The following SIGLEC9 variants were observed in gnomAD, a reference collection of about 807,000 sequenced individuals.
The protein encoded by SIGLEC9 is sialic acid-binding Ig-like lectin 9.
In SIGLEC9, 26 loss-of-function variants were observed where a neutral mutation model predicts 38.3. That is an observed-to-expected ratio of 0.68 (90% CI 0.50 to 0.94). The LOEUF is 0.94. Ranked by LOEUF, SIGLEC9 falls within the 40% of genes least tolerant of loss-of-function variation. The pLI is 0.00. For synonymous variants in SIGLEC9, 236 were observed against 248.0 expected (o/e 0.95, Z 0.45); for missense variants, 556 against 585.7 (o/e 0.95, Z 0.52).
upstream of SIGLEC9, among the ~76,000 whole-genome samples, chr19:51,123,329 G>A (rs527724894): frequency 2.2e-4 from 34 of 152,356 alleles, no homozygotes; most frequent in African/African-American, 7.9e-4. Flanking sequence ...TCTGAGGCCC[G>A]TGTTGGCTCT....
chr19:51,127,395 T>C (rs908968921), intron 4 of SIGLEC9, 99 bp downstream of exon 4: 1 of 1,322,526 alleles, frequency 7.6e-7, no homozygotes, highest in African/African-American at 1.5e-5. Flanking sequence ...GGAGCTCCGC[T>C]CTGGTCTGTG....
In SIGLEC9 at chr19:51,125,854, A is replaced by T; in HGVS notation, c.679A>T (p.Thr227Ser). 1 of 1,613,862 alleles carries T rather than the reference A, an allele frequency of 6.2e-7. No homozygotes were observed. Among genetic ancestry groups the T allele is most frequent in the South Asian group, 1.1e-5 (1 of 91,066 alleles). ...TGGGGCCAGCGTGACCACGAACAAG[A>T]CCGTCCATCTCAACGTGTCCTGTGA... ...FPGASVTTNK[T>S]VHLNVSYPPQ... The change falls in exon 2 of 7, where the codon ACC becomes TCC. Residue 227 changes from threonine (T) to serine (S), a missense_variant. Thr to Ser is a moderately conservative substitution (Grantham distance 58). Coordinates refer to ENST00000250360, the MANE Select transcript of SIGLEC9 (RefSeq NM_014441.3).
Position 51,125,773 on chromosome 19 carries a change from C to G in SIGLEC9, c.598C>G (p.Leu200Val). The G allele has an allele frequency of 6.2e-7, 1 of 1,614,132 alleles. No individual in the cohort carries two copies. The highest frequency in any genetic ancestry group is 1.1e-5 in the South Asian group (1 of 91,086). Residue 200 changes from leucine to valine, a missense_variant, in exon 2 of 7, where the codon CTC (leucine) becomes GTC (valine). Leu to Val is a conservative substitution (Grantham distance 32, BLOSUM62 1). Transcript: ENST00000250360. ...CACCACCCGCTCCTCGGTGCTCACC[C>G]TCATCCCACAGCCCCAGGACCATGG... ...PSTTRSSVLTLIPQPQDHGTS... is the reference protein window; with the variant it reads ...PSTTRSSVLTVIPQPQDHGTS...
rs777875717 is a variant in SIGLEC9, at chr19:51,130,061, G to T, written c.1374G>T (p.Glu458Asp). The change falls in exon 7 of 7, where the codon GAG becomes GAT. Residue 458 changes from glutamate (E) to aspartate (D), a missense_variant. Transcript: ENST00000250360. ...AGGCCACTGACACCGAGTACTCGGA[G>T]ATCAAGATCCACAGATGAGAAACTG... ...GQEATDTEYS[E>D]IKIHR 8 of 1,612,080 alleles carry T rather than the reference G, an allele frequency of 5.0e-6. No individual in the cohort carries two copies. In the South Asian group the frequency reaches 7.7e-5, roughly 16 times the overall value.
rs76493296 is a variant in SIGLEC9, at chr19:51,125,059, G to A, written c.85G>A (p.Val29Met). The change falls in exon 1 of 7, where the codon GTG (valine) becomes ATG (methionine). Residue 29 changes from valine to methionine, a missense_variant. Physicochemically the swap from Val to Met is conservative, Grantham distance 21 (BLOSUM62 1). Transcript: ENST00000250360. ...TSKLLTMQSS[V>M]TVQEGLCVHV... is the part of the protein sequence containing the mutation. ...TAAACTGCTGACGATGCAGAGTTCCGTGACGGTGCAGGAAGGCCTGTGTGT... is the reference window on the plus strand; with the variant it reads ...TAAACTGCTGACGATGCAGAGTTCCATGACGGTGCAGGAAGGCCTGTGTGT... 4.3e-6 allele frequency: 7 copies of A among 1,613,942 alleles called. No individual in the cohort carries two copies. Among genetic ancestry groups the A allele is most frequent in the East Asian group, 4.5e-5 (2 of 44,886 alleles).
chr19:51,125,979 A>ACACT, intron 2 of SIGLEC9, 102 bp from the exon 3 acceptor site: 1 of 1,581,968 alleles, frequency 6.3e-7, no homozygotes, highest in Non-Finnish European at 8.7e-7. Context: ...GGTCAGGAGG[A>ACACT]CACTGGCTCT....
At position 51,127,056 on chromosome 19, in the gene SIGLEC9, T is replaced by A. The variant is rs2091983025; in HGVS notation, c.775T>A (p.Ser259Thr). The A allele has an allele frequency of 1.2e-6, 2 of 1,614,120 alleles. No individual in the cohort carries two copies. The highest frequency in any genetic ancestry group is 1.7e-6 in the Non-Finnish European group (2 of 1,179,958). ...TVSTVLGNGSSLSLPEGQSLR... is the reference protein window; with the variant it reads ...TVSTVLGNGSTLSLPEGQSLR... ...ATCCACAGTCTTGGGAAATGGCTCA[T>A]CTCTGTCACTCCCAGAGGGCCAGTC... Residue 259 changes from serine to threonine, a missense_variant, in exon 4 of 7, where the codon TCT becomes ACT. Coordinates refer to ENST00000250360, the MANE Select transcript of SIGLEC9 (RefSeq NM_014441.3).
rs1304914465 is a variant in SIGLEC9, at chr19:51,130,117, C to T, written c.*38C>T. The T allele has an allele frequency of 5.1e-6, 8 of 1,559,770 alleles. No individual in the cohort carries two copies. In the East Asian group the frequency reaches 1.4e-4, roughly 27 times the overall value. On this transcript the variant is annotated 3_prime_UTR_variant, in exon 7 of 7. Transcript: ENST00000250360. ...ACTCACCCTGATTGAGGGATCACAG[C>T]CCCTCCAGGCAAGGGAGAAGTCAGA...
At position 51,129,941 on chromosome 19, in the gene SIGLEC9, C is replaced by T. The variant is rs781416556; in HGVS notation, c.1254C>T (p.Pro418=). The T allele has an allele frequency of 5.3e-5, 86 of 1,612,846 alleles. 1 individual carries two copies. In the South Asian group the frequency reaches 8.8e-4, roughly 16 times the overall value. The part of the protein sequence containing the change: ...WAEDSPPDQP[P]PASARSSVGE... ...AAGACAGTCCCCCAGACCAGCCTCC[C>T]CCAGCTTCTGCCCGCTCCTCAGTGG... The change falls in exon 7 of 7, where the codon CCC becomes CCT. Residue 418 remains proline, a synonymous_variant. Coordinates refer to ENST00000250360, the MANE Select transcript of SIGLEC9 (RefSeq NM_014441.3).
chr19:51,124,329 G>C (rs2091961540), upstream of SIGLEC9, among the ~76,000 whole-genome samples: 1 of 152,128 alleles, frequency 6.6e-6, no homozygotes, highest in Non-Finnish European at 1.5e-5. Flanking sequence ...TTGAACCCCT[G>C]ACCTACGGGA....
At position 51,127,981 on chromosome 19, in the gene SIGLEC9, G is replaced by T; in HGVS notation, c.1048G>T (p.Val350Phe). The T allele has an allele frequency of 6.2e-7, 1 of 1,614,004 alleles. No homozygotes were observed. Among genetic ancestry groups the T allele is most frequent in the Non-Finnish European group, 8.5e-7 (1 of 1,179,892 alleles). The change falls in exon 5 of 7, where the codon GTC becomes TTC. Residue 350 changes from valine (V) to phenylalanine (F), a missense_variant. Val to Phe is a conservative substitution (Grantham distance 50). Transcript: ENST00000250360. ...KATSGVTQGVVGGAGATALVF... is the reference protein window; with the variant it reads ...KATSGVTQGVFGGAGATALVF... The stretch of plus-strand genomic sequence containing the variant: ...CACATCAGGAGTGACTCAGGGGGTG[G>T]TCGGGGGAGCTGGAGCCACAGCCCT...
Position 51,129,171 on chromosome 19 carries a change from G to GTTTTTTTTTTTTTTTTTTTT in SIGLEC9, c.1203+666_1203+667insTTTTTTTTTTTTTTTTTTTT, listed in dbSNP as rs375911468. ...GTTTTTTTTTTTTTTTGTTGTTGTT[G>GTTTTTTTTTTTTTTTTTTTT]TTTTTGAGACAGAGTCTTGCTCTGT... On this transcript the variant is annotated intron_variant, in intron 6 of 6. Coordinates refer to ENST00000250360, the MANE Select transcript of SIGLEC9 (RefSeq NM_014441.3). Among the ~76,000 whole-genome samples the GTTTTTTTTTTTTTTTTTTTT allele has an allele frequency of 9.9e-4, 137 of 139,018 alleles. 5 individuals are homozygous for GTTTTTTTTTTTTTTTTTTTT. Among genetic ancestry groups the GTTTTTTTTTTTTTTTTTTTT allele is most frequent in the African/African-American group, 4.0e-3 (134 of 33,178 alleles). The allele number at this position is 139,018 out of a possible 152,430, so 91.2% of individuals were successfully genotyped here.
chr19:51,127,925 A>C (rs1411860685), intron 4 of SIGLEC9, 24 bp from the exon 5 acceptor site: 1 of 1,529,976 alleles, frequency 6.5e-7, no homozygotes, highest in African/African-American at 1.4e-5. Flanking sequence ...ATATATCACA[A>C]AAATAACTCC....
chr19:51,124,856 T>TGA, upstream of SIGLEC9: 1 of 1,343,728 alleles, frequency 7.4e-7, no homozygotes. Context: ...AGGTCACTGT[T>TGA]CCGACCTCGC....
In SIGLEC9 at chr19:51,125,581, C is replaced by G. The variant is rs1291937485; in HGVS notation, c.422-16C>G. On this transcript the variant is annotated splice_polypyrimidine_tract_variant and intron_variant, in intron 1 of 6. Coordinates refer to ENST00000250360, the MANE Select transcript of SIGLEC9 (RefSeq NM_014441.3). Reference sequence around the variant, plus strand: ...GGATCCTCTGACCTGATCCTGAGTCCCCCTCTCTTCACCAGCCTTGACCCA... The same window carrying G: ...GGATCCTCTGACCTGATCCTGAGTCGCCCTCTCTTCACCAGCCTTGACCCA... 3 of 1,607,760 alleles carry G rather than the reference C, an allele frequency of 1.9e-6. No individual in the cohort carries two copies. Among genetic ancestry groups the G allele is most frequent in the Non-Finnish European group, 2.5e-6 (3 of 1,179,712 alleles).
intron 4 of SIGLEC9, 93 bp from the exon 5 acceptor site, chr19:51,127,856 G>A: frequency 1.4e-6 from 1 of 716,526 alleles, no homozygotes; most frequent in Non-Finnish European, 2.5e-6. Context: ...AAGGGGAAGT[G>A]GAAATAGAAG....
intron 6 of SIGLEC9, chr19:51,135,889 T>A: frequency 3.0e-6 from 2 of 663,622 alleles, no homozygotes; most frequent in Non-Finnish European, 5.4e-6. Context: ...GCTTGTATTA[T>A]GAAATTTTTG....
chr19:51,132,708 A>G (rs1165172540), downstream of SIGLEC9, among the ~76,000 whole-genome samples: 1 of 152,202 alleles, frequency 6.6e-6, no homozygotes, highest in Non-Finnish European at 1.5e-5. Flanking sequence ...CTGCAGCTAC[A>G]AGCTGTATAA....
At chr19:51,128,142 G>A in intron 5 of SIGLEC9, 103 bp downstream of exon 5, 1 of 967,640 alleles carries the variant, frequency 1.0e-6, no homozygotes, top group Non-Finnish European at 1.6e-6. Context: ...GATGGGTCAA[G>A]AGCTTGGGGC....
Sources: gnomAD v4.1 joint callset for allele counts (sites outside exome capture counted in the v4.1 genomes callset) on GRCh38, gnomAD v4.1.1 for gene constraint, MANE v1.5 for transcripts, NCBI Gene and HGNC (gene_info 2026-07-23, HGNC 2026-07-21) for gene names.